The following CCDC125 variants were observed in gnomAD, a reference collection of about 807,000 sequenced individuals.
CCDC125 encodes coiled-coil domain-containing protein 125.
A neutral mutation model predicts 57.4 loss-of-function variants in CCDC125; 43 were observed. The observed-to-expected ratio is 0.75, with a 90% CI of 0.59 to 0.97. CCDC125 has a LOEUF of 0.97. Among genes scored for constraint, CCDC125 ranks in the 50% least tolerant of loss-of-function variants. CCDC125 has a pLI of 0.00. For synonymous variants in CCDC125, 187 were observed against 195.2 expected, an observed-to-expected ratio of 0.96 and a Z score of 0.35; for missense variants, 563 against 595.7, an observed-to-expected ratio of 0.95 and a Z score of 0.57.
chr5:69,310,880 A>G (rs1758020925), intron 4 of CCDC125: 1 of 227,724 alleles, frequency 4.4e-6, no homozygotes, highest in South Asian at 9.2e-5. Context: ...TGTTGGAAAT[A>G]TTCTAAAATT....
rs1213905489 is a variant in CCDC125 at position 69,332,634 on chromosome 5, A to G, written c.-41+15T>C. 1 of 152,062 alleles carries G rather than the reference A, an allele frequency of 6.6e-6. No individual in the cohort carries two copies. Among genetic ancestry groups the G allele is most frequent in the African/African-American group, 2.4e-5 (1 of 41,368 alleles). 9.4% of individuals were successfully genotyped at this position (152,062 alleles called of 1,614,324 possible). A position where few individuals can be genotyped will look rare whatever the true frequency, so the allele number is the denominator to read the frequency against. ...CCCGCCCCTGCCCTGGGTCCTCCCC[A>G]CTCCCGGTTCCCACCTGCCAGGTCT... On this transcript the variant is annotated intron_variant, in intron 1 of 11. Coordinates refer to ENST00000396496, the MANE Select transcript of CCDC125 (RefSeq NM_176816.5).
At chr5:69,301,333 C>G (rs1437339887) in intron 7 of CCDC125, among the ~76,000 whole-genome samples, 1 of 152,034 alleles carries the variant, frequency 6.6e-6, no homozygotes, top group Non-Finnish European at 1.5e-5. Flanking sequence ...AAGAACTAGC[C>G]TCTTCTCTAA....
intron 1 of CCDC125, among the ~76,000 whole-genome samples, chr5:69,331,008 T>TA (rs1337854832): frequency 1.3e-5 from 2 of 151,600 alleles, no homozygotes; most frequent in Non-Finnish European, 2.9e-5. Flanking sequence ...TTTTCCTTTT[T>TA]AAAAAAAATG....
At chr5:69,289,773 G>A (rs1177149654) in intron 10 of CCDC125, among the ~76,000 whole-genome samples, 1 of 150,874 alleles carries the variant, frequency 6.6e-6, no homozygotes, top group Admixed American at 6.6e-5. Context: ...TGAGGTGGGA[G>A]GATTGCTTGA....
chr5:69,318,067 C>T (rs957344797), intron 2 of CCDC125, among the ~76,000 whole-genome samples: 24 of 149,318 alleles, frequency 1.6e-4, no homozygotes, highest in African/African-American at 5.4e-4. Context: ...CTGCAACTTC[C>T]GCCTCCCAGG....
the CCDC125 span, among the ~76,000 whole-genome samples, chr5:69,274,086 T>G: frequency 1.3e-5 from 2 of 152,240 alleles, no homozygotes; most frequent in Non-Finnish European, 2.9e-5. Flanking sequence ...ATGTATATTA[T>G]TTCCATCATA....
At chr5:69,326,118 T>C (rs531888829) in intron 1 of CCDC125, among the ~76,000 whole-genome samples, 51 of 152,294 alleles carry the variant, frequency 3.3e-4, no homozygotes, top group African/African-American at 1.2e-3. Context: ...ATTACAGGCA[T>C]GAGCTACCAC....
intron 10 of CCDC125, among the ~76,000 whole-genome samples, chr5:69,290,797 T>G (rs1754328030): frequency 1.3e-5 from 2 of 151,442 alleles, no homozygotes; most frequent in South Asian, 4.2e-4. Context: ...GCCCGGCTAA[T>G]TTTTGTATTT....
At chr5:69,293,549 C>T (rs370031769) in intron 9 of CCDC125, among the ~76,000 whole-genome samples, 4 of 150,938 alleles carry the variant, frequency 2.7e-5, no homozygotes, top group African/African-American at 9.7e-5. Context: ...ACTCAGGAGC[C>T]TGAGGCAGAG....
At chr5:69,331,290 T>C (rs1161829562) in intron 1 of CCDC125, among the ~76,000 whole-genome samples, 1 of 151,614 alleles carries the variant, frequency 6.6e-6, no homozygotes, top group Non-Finnish European at 1.5e-5. Context: ...TGGAGTGCAA[T>C]GGTGCGATCT....
intron 1 of CCDC125, among the ~76,000 whole-genome samples, chr5:69,328,431 G>A (rs557528844): frequency 2.0e-5 from 3 of 151,908 alleles, no homozygotes; most frequent in African/African-American, 7.2e-5. Context: ...ATTTAACATA[G>A]TTTAAGAATA....
chr5:69,322,807 C>G (rs550581824), intron 1 of CCDC125, among the ~76,000 whole-genome samples: 1 of 151,460 alleles, frequency 6.6e-6, no homozygotes, highest in African/African-American at 2.4e-5. Context: ...ATGATACACC[C>G]GCCTTGGCCT....
At position 69,311,139 on chromosome 5, in the gene CCDC125, T is replaced by G; in HGVS notation, c.432A>C (p.Ala144=). Residue 144 remains alanine (A), a synonymous_variant, in exon 4 of 12, where the codon GCA becomes GCC. Transcript: ENST00000396496. ...SQRQLRGKEE[A]LKILQSMAIL... ...TTACCATGCTTTGAAGAATTTTCAATGCTTCCTCTTTACCTCTGAGTTGTC... is the reference window on the plus strand; with the variant it reads ...TTACCATGCTTTGAAGAATTTTCAAGGCTTCCTCTTTACCTCTGAGTTGTC... The G allele has an allele frequency of 6.2e-7, 1 of 1,609,530 alleles. No individual in the cohort carries two copies. Among genetic ancestry groups the G allele is most frequent in the Non-Finnish European group, 8.5e-7 (1 of 1,176,862 alleles).
At chr5:69,279,397 T>C (rs145593270), downstream of CCDC125, among the ~76,000 whole-genome samples, 9,401 of 152,022 alleles carry the variant, frequency 0.062, 519 homozygotes, top group African/African-American at 0.14. Flanking sequence ...GGGGTTTCAC[T>C]GTGTTAGCCA....
chr5:69,283,791 A>AG (rs1484703992), intron 11 of CCDC125, among the ~76,000 whole-genome samples: 5 of 121,344 alleles, frequency 4.1e-5, no homozygotes, highest in African/African-American at 1.3e-4. Flanking sequence ...CCAGGCTGAC[A>AG]ATTTTTTTTT....
At chr5:69,283,377 A>G (rs34487969) in intron 11 of CCDC125, among the ~76,000 whole-genome samples, 33,318 of 151,484 alleles carry the variant, frequency 0.22, 4,872 homozygotes, top group Non-Finnish European at 0.33. Context: ...CCGCCACCAC[A>G]CCCAGCTAAT....
At chr5:69,298,835 G>T (rs1755850864) in intron 8 of CCDC125, among the ~76,000 whole-genome samples, 1 of 152,108 alleles carries the variant, frequency 6.6e-6, no homozygotes, top group East Asian at 1.9e-4. Context: ...GTAGAACATG[G>T]TGCTCAAAAG....
At chr5:69,317,643 C>T (rs1430495170) in intron 2 of CCDC125, among the ~76,000 whole-genome samples, 1 of 152,176 alleles carries the variant, frequency 6.6e-6, no homozygotes, top group Non-Finnish European at 1.5e-5. Context: ...TGCCATGGTA[C>T]AGGCATGGGC....
At chr5:69,275,632 T>G (rs908323628), downstream of CCDC125, among the ~76,000 whole-genome samples, 1 of 152,232 alleles carries the variant, frequency 6.6e-6, no homozygotes, top group Non-Finnish European at 1.5e-5. Flanking sequence ...AACAAAACTT[T>G]GTTTTATGTA....
Sources: allele counts gnomAD v4.1 joint callset (sites outside exome capture counted in the v4.1 genomes callset), GRCh38; gene constraint gnomAD v4.1.1; transcripts MANE v1.5; gene names NCBI Gene and HGNC (gene_info 2026-07-23, HGNC 2026-07-21).